Variants in NSUN6 observed in about 807,000 individuals in gnomAD.
NSUN6 encodes tRNA (cytosine(72)-C(5))-methyltransferase NSUN6.
NSUN6 carries 64 observed loss-of-function variants against 58.0 expected under a neutral mutation model. The observed-to-expected ratio is 1.10, with a 90% CI of 0.90 to 1.36. NSUN6 has a LOEUF of 1.36. Ranked by LOEUF, NSUN6 falls within the 40% of genes most tolerant of loss-of-function variation. NSUN6 has a pLI of 0.00. For synonymous variants in NSUN6, 231 were observed against 193.9 expected (o/e 1.19, Z -1.59); for missense variants, 701 against 550.1 (o/e 1.27, Z -2.74).
chr10:18,600,579 C>T (rs574062203), intron 6 of NSUN6, among the ~76,000 whole-genome samples: 1 of 151,994 alleles, frequency 6.6e-6, no homozygotes, highest in South Asian at 2.1e-4. Flanking sequence ...GAGCCATAAT[C>T]CCACCACCAC....
intron 8 of NSUN6, among the ~76,000 whole-genome samples, chr10:18,563,956 G>A (rs1055916447): frequency 1.5e-5 from 2 of 133,016 alleles, no homozygotes; most frequent in African/African-American, 2.8e-5. Context: ...TTCCATTCTC[G>A]ATTCCTTTCT....
At chr10:18,624,298 A>G (rs1218649596) in intron 3 of NSUN6, among the ~76,000 whole-genome samples, 1 of 151,948 alleles carries the variant, frequency 6.6e-6, no homozygotes, top group Non-Finnish European at 1.5e-5. Flanking sequence ...AAGAAAAGCA[A>G]AGCACAGACA....
At chr10:18,559,689 G>C (rs1053904764) in intron 8 of NSUN6, among the ~76,000 whole-genome samples, 6 of 150,998 alleles carry the variant, frequency 4.0e-5, no homozygotes, top group Non-Finnish European at 8.9e-5. Context: ...GTAATGCATT[G>C]GAATATGGAA....
At chr10:18,576,868 C>A (rs560960007) in intron 8 of NSUN6, among the ~76,000 whole-genome samples, 1 of 152,244 alleles carries the variant, frequency 6.6e-6, no homozygotes, top group East Asian at 1.9e-4. Flanking sequence ...TCCCTTTCAC[C>A]CTGGCATTTC....
chr10:18,633,983 C>T (rs2059126667), intron 3 of NSUN6, among the ~76,000 whole-genome samples: 2 of 152,210 alleles, frequency 1.3e-5, no homozygotes, highest in South Asian at 4.1e-4. Context: ...TCCCAGAAAA[C>T]ATATTTGATT....
chr10:18,586,229 C>T (rs1423387247), intron 7 of NSUN6, 136 bp from the exon 8 acceptor site: 5 of 677,796 alleles, frequency 7.4e-6, no homozygotes, highest in Non-Finnish European at 1.2e-5. Context: ...TTTAAAACCT[C>T]TATCCATTAA....
At chr10:18,603,477 TC>T (rs772738447) in intron 6 of NSUN6, among the ~76,000 whole-genome samples, 1,738 of 150,036 alleles carry the variant, frequency 0.012, 48 homozygotes, top group African/African-American at 0.038. Flanking sequence ...TCTTTTCTTT[TC>T]TTTTTTTTTG....
chr10:18,623,475 G>A (rs1047098734), intron 3 of NSUN6, among the ~76,000 whole-genome samples: 3 of 152,208 alleles, frequency 2.0e-5, no homozygotes, highest in South Asian at 2.1e-4. Flanking sequence ...TCTCAGCACG[G>A]TGTGGAGTCT....
chr10:18,649,294 C>T (rs142361981), intron 1 of NSUN6, among the ~76,000 whole-genome samples: 18 of 152,202 alleles, frequency 1.2e-4, no homozygotes, highest in Middle Eastern at 3.4e-3. Context: ...TTTCAAGAAA[C>T]GTATTTCTTT....
At chr10:18,641,035 C>A (rs1438715657) in intron 3 of NSUN6, among the ~76,000 whole-genome samples, 1 of 151,962 alleles carries the variant, frequency 6.6e-6, no homozygotes, top group Non-Finnish European at 1.5e-5. Flanking sequence ...CTTTTATTAA[C>A]TGCAAAAAAA....
intron 3 of NSUN6, among the ~76,000 whole-genome samples, chr10:18,621,831 C>T (rs2058617019): frequency 1.3e-5 from 2 of 152,130 alleles, no homozygotes; most frequent in Non-Finnish European, 2.9e-5. Flanking sequence ...TGCACATATT[C>T]ACAACCCTAC....
At chr10:18,617,947 T>C (rs4748495) in intron 3 of NSUN6, among the ~76,000 whole-genome samples, 90,086 of 152,064 alleles carry the variant, frequency 0.59, 27,204 homozygotes, top group East Asian at 0.97. Context: ...TTGGACTTCG[T>C]ATCCTCCAAC....
chr10:18,635,106 T>C (rs941969790), intron 3 of NSUN6, among the ~76,000 whole-genome samples: 1 of 152,212 alleles, frequency 6.6e-6, no homozygotes, highest in African/African-American at 2.4e-5. Flanking sequence ...AGGGTGCCTA[T>C]GTGACCAGCC....
chr10:18,595,236 T>C (rs1056091934), intron 7 of NSUN6, among the ~76,000 whole-genome samples: 1 of 152,188 alleles, frequency 6.6e-6, no homozygotes, highest in East Asian at 1.9e-4. Context: ...CCAAAATGTT[T>C]AGTTGTATGC....
At chr10:18,550,048 G>A (rs555582422) in intron 9 of NSUN6, among the ~76,000 whole-genome samples, 3 of 152,306 alleles carry the variant, frequency 2.0e-5, no homozygotes, top group Non-Finnish European at 2.9e-5. Flanking sequence ...CCACATTCTC[G>A]ATTTCTCTCC....
chr10:18,601,446 C>A (rs187806849), intron 6 of NSUN6, among the ~76,000 whole-genome samples: 1 of 152,046 alleles, frequency 6.6e-6, no homozygotes, highest in Non-Finnish European at 1.5e-5. Flanking sequence ...TTCCAAGGAA[C>A]CGAGTGTTTC....
chr10:18,610,049 T>G (rs183739682), intron 5 of NSUN6, 123 bp from the exon 6 acceptor site: 1 of 670,822 alleles, frequency 1.5e-6, no homozygotes, highest in East Asian at 2.8e-5. Flanking sequence ...AAGAACTATT[T>G]TGGCTCAAGC....
At chr10:18,634,477 C>G (rs2059144060) in intron 3 of NSUN6, among the ~76,000 whole-genome samples, 1 of 152,066 alleles carries the variant, frequency 6.6e-6, no homozygotes, top group Admixed American at 6.6e-5. Flanking sequence ...ACAAACCGGG[C>G]CTGGTGGCTC....
intron 8 of NSUN6, among the ~76,000 whole-genome samples, chr10:18,553,380 G>A (rs1053440119): frequency 2.6e-5 from 4 of 151,816 alleles, no homozygotes; most frequent in Non-Finnish European, 4.4e-5. Flanking sequence ...GAAGGGAATG[G>A]GAAGGAGAAT....
Sources: gnomAD v4.1 joint callset for allele counts (sites outside exome capture counted in the v4.1 genomes callset) on GRCh38, gnomAD v4.1.1 for gene constraint, MANE v1.5 for transcripts, NCBI Gene and HGNC (gene_info 2026-07-23, HGNC 2026-07-21) for gene names.